SH3BP5: variants seen among roughly 807,000 people sequenced by gnomAD.
SH3BP5 encodes SH3 domain binding protein 5.
Under a neutral mutation model 43.3 loss-of-function variants are expected in SH3BP5, and 22 were observed. That is an observed-to-expected ratio of 0.51 (90% CI 0.36 to 0.73). The LOEUF (loss-of-function observed/expected upper bound fraction) is 0.73, where lower values mean the gene tolerates loss of function less well. SH3BP5 is among the 30% of genes least tolerant of loss of function. The pLI is 0.00. For synonymous variants in SH3BP5, 255 were observed against 225.8 expected, an observed-to-expected ratio of 1.13 and a Z score of -1.16; for missense variants, 529 against 586.9, an observed-to-expected ratio of 0.90 and a Z score of 1.02.
At chr3:15,287,471 T>G (rs1272340343) in intron 3 of SH3BP5, among the ~76,000 whole-genome samples, 2 of 152,222 alleles carry the variant, frequency 1.3e-5, no homozygotes, top group Non-Finnish European at 2.9e-5. Flanking sequence ...AGCTAAGCAG[T>G]GCTGTCCAAC....
At chr3:15,327,315 G>C (rs1318934420) in intron 2 of SH3BP5, among the ~76,000 whole-genome samples, 7 of 152,086 alleles carry the variant, frequency 4.6e-5, no homozygotes, top group Non-Finnish European at 4.4e-5. Context: ...CAGGAGACTG[G>C]CTTGAACCCG....
upstream of SH3BP5, among the ~76,000 whole-genome samples, chr3:15,336,399 T>G (rs1158955088): frequency 2.0e-5 from 3 of 152,132 alleles, no homozygotes; most frequent in Non-Finnish European, 2.9e-5. Flanking sequence ...GAGTGAGTGC[T>G]CCTGTAATAA....
At chr3:15,331,304 G>A (rs958610454) in intron 1 of SH3BP5, among the ~76,000 whole-genome samples, 1 of 152,074 alleles carries the variant, frequency 6.6e-6, no homozygotes, top group Non-Finnish European at 1.5e-5. Flanking sequence ...TTGCTAAGCT[G>A]ACAAAACAAT....
At chr3:15,306,941 G>A (rs1697926533) in intron 2 of SH3BP5, among the ~76,000 whole-genome samples, 1 of 152,084 alleles carries the variant, frequency 6.6e-6, no homozygotes, top group Admixed American at 6.5e-5. Flanking sequence ...CCAAAGCGCT[G>A]GGATTACAGG....
chr3:15,309,877 C>T (rs1187279394), intron 2 of SH3BP5, among the ~76,000 whole-genome samples: 1 of 151,644 alleles, frequency 6.6e-6, no homozygotes, highest in African/African-American at 2.4e-5. Context: ...TGCATTGAAA[C>T]TGAACACAAA....
chr3:15,331,489 T>C (rs1426275295), intron 1 of SH3BP5, among the ~76,000 whole-genome samples: 1 of 152,238 alleles, frequency 6.6e-6, no homozygotes, highest in East Asian at 1.9e-4. Flanking sequence ...CTCTGCTTTT[T>C]GCTTAGGGGT....
At chr3:15,307,587 C>G (rs1487531131) in intron 2 of SH3BP5, among the ~76,000 whole-genome samples, 1 of 152,244 alleles carries the variant, frequency 6.6e-6, no homozygotes, top group Non-Finnish European at 1.5e-5. Flanking sequence ...TCTGGGCACA[C>G]AGTCAGTGCT....
chr3:15,272,505 A>G (rs11924616), intron 3 of SH3BP5, among the ~76,000 whole-genome samples: 4,242 of 148,340 alleles, frequency 0.029, 145 homozygotes, highest in African/African-American at 0.063. Flanking sequence ...GAGGTGGGGG[A>G]CAGAAGGAAG....
At position 15,256,211 on chromosome 3, in the gene SH3BP5, T is replaced by A; in HGVS notation, c.1243A>T (p.Lys415Ter). 1 of 1,614,234 alleles carries A rather than the reference T, an allele frequency of 6.2e-7. No homozygotes were observed. Among genetic ancestry groups the A allele is most frequent in the Non-Finnish European group, 8.5e-7 (1 of 1,180,038 alleles). Residue 415 changes from lysine to a stop codon, truncating the protein, a stop_gained, in exon 9 of 9, where the codon AAG (lysine) becomes TAG (stop). Coordinates refer to ENST00000383791, the MANE Select transcript of SH3BP5 (RefSeq NM_004844.5). LOFTEE classifies it low-confidence loss of function (END_TRUNC). ...SSSSGSGGSS[K>*]SQSSTSPEGQ... is the part of the protein sequence containing the mutation. ...TCAGGGGAGGTGCTGCTTTGGCTCTTACTGCTGCCACCACTGCCACTGCTA... is the reference window on the plus strand; with the variant it reads ...TCAGGGGAGGTGCTGCTTTGGCTCTAACTGCTGCCACCACTGCCACTGCTA...
At chr3:15,317,325 A>G (rs926780354) in intron 2 of SH3BP5, among the ~76,000 whole-genome samples, 1 of 152,148 alleles carries the variant, frequency 6.6e-6, no homozygotes, top group African/African-American at 2.4e-5. Context: ...TCCACCCACC[A>G]CAGCATTCCA....
chr3:15,272,847 C>T (rs2125068962), intron 3 of SH3BP5, among the ~76,000 whole-genome samples: 1 of 152,302 alleles, frequency 6.6e-6, no homozygotes, highest in African/African-American at 2.4e-5. Context: ...CACCATGTGG[C>T]CCTGGGACCA....
In SH3BP5 at chr3:15,262,307, G is replaced by C. The variant is rs752009470; in HGVS notation, c.496-18C>G. On this transcript the variant is annotated intron_variant, in intron 4 of 8. Coordinates refer to ENST00000383791, the MANE Select transcript of SH3BP5 (RefSeq NM_004844.5). ...TCCATGACCTTAAAATGACAGCAGA[G>C]TTCAGCCCAGTCCAGCCCAGAACAG... 1.9e-6 allele frequency: 3 copies of C among 1,613,612 alleles called. No individual in the cohort carries two copies. In the African/African-American group the frequency reaches 4.0e-5, roughly 22 times the overall value.
chr3:15,336,175 AC>A (rs200287284), upstream of SH3BP5, among the ~76,000 whole-genome samples: 3 of 152,250 alleles, frequency 2.0e-5, no homozygotes, highest in East Asian at 5.8e-4. Flanking sequence ...TACCACATAT[AC>A]TTTTGGGGGA....
chr3:15,303,504 C>G (rs1386287558), intron 3 of SH3BP5, among the ~76,000 whole-genome samples: 1 of 152,124 alleles, frequency 6.6e-6, no homozygotes, highest in African/African-American at 2.4e-5. Flanking sequence ...AAACCAGAAC[C>G]CATTTCCACG....
intron 3 of SH3BP5, among the ~76,000 whole-genome samples, chr3:15,293,853 G>A (rs1016670087): frequency 6.6e-6 from 1 of 152,014 alleles, no homozygotes; most frequent in Non-Finnish European, 1.5e-5. Context: ...CGAGGCAGGC[G>A]GATCATCTGA....
At chr3:15,322,170 T>C (rs551319491) in intron 2 of SH3BP5, among the ~76,000 whole-genome samples, 112 of 151,818 alleles carry the variant, frequency 7.4e-4, no homozygotes, top group Non-Finnish European at 1.4e-3. Flanking sequence ...GCCACTGCAG[T>C]CCAGCCTGGG....
intron 2 of SH3BP5, among the ~76,000 whole-genome samples, chr3:15,325,819 G>A (rs895086761): frequency 3.9e-5 from 6 of 152,174 alleles, no homozygotes; most frequent in Non-Finnish European, 7.3e-5. Context: ...TCCAGAGTTT[G>A]AAACCGGCCT....
At chr3:15,334,378 A>G (rs1049711790), upstream of SH3BP5, among the ~76,000 whole-genome samples, 40 of 152,268 alleles carry the variant, frequency 2.6e-4, no homozygotes, top group African/African-American at 9.1e-4. Context: ...AATTCAACTA[A>G]CCACAGATAG....
At chr3:15,296,771 G>A (rs189791169) in intron 3 of SH3BP5, among the ~76,000 whole-genome samples, 13 of 133,520 alleles carry the variant, frequency 9.7e-5, no homozygotes, top group African/African-American at 2.4e-4. Context: ...ACAGCTCCAC[G>A]CAGCCTTGAC....
Sources: allele counts gnomAD v4.1 joint callset (sites outside exome capture counted in the v4.1 genomes callset), GRCh38; gene constraint gnomAD v4.1.1; transcripts MANE v1.5; gene names NCBI Gene and HGNC (gene_info 2026-07-23, HGNC 2026-07-21).